SGCZ: variants seen among roughly 807,000 people sequenced by gnomAD.
SGCZ encodes the protein zeta-sarcoglycan.
A neutral mutation model predicts 41.3 loss-of-function variants in SGCZ; 40 were observed. The ratio of observed to expected loss-of-function variants is 0.97; its 90% CI spans 0.75 to 1.26. SGCZ has a LOEUF of 1.26. Among genes scored for constraint, SGCZ ranks in the 50% most tolerant of loss-of-function variants. SGCZ has a pLI of 0.00. For synonymous variants in SGCZ, 206 were observed against 137.5 expected, an observed-to-expected ratio of 1.50 and a Z score of -3.49; for missense variants, 552 against 369.8, an observed-to-expected ratio of 1.49 and a Z score of -4.04.
At chr8:14,283,399 G>A (rs1800516667) in intron 3 of SGCZ, among the ~76,000 whole-genome samples, 1 of 152,098 alleles carries the variant, frequency 6.6e-6, no homozygotes, top group Non-Finnish European at 1.5e-5. Context: ...CAAGAGATGA[G>A]AATATCTAAT....
intron 5 of SGCZ, among the ~76,000 whole-genome samples, chr8:14,142,548 A>G (rs1044574734): frequency 6.6e-6 from 1 of 151,900 alleles, no homozygotes; most frequent in Non-Finnish European, 1.5e-5. Context: ...GCTCAGTTTG[A>G]AGCAACTGGC....
chr8:14,474,109 T>C (rs1801291334), intron 2 of SGCZ, among the ~76,000 whole-genome samples: 1 of 152,148 alleles, frequency 6.6e-6, no homozygotes, highest in Non-Finnish European at 1.5e-5. Flanking sequence ...TTTCTATTGA[T>C]GAATGGCTGC....
intron 2 of SGCZ, among the ~76,000 whole-genome samples, chr8:14,414,109 AT>A (rs1799432117): frequency 6.6e-6 from 1 of 152,018 alleles, no homozygotes; most frequent in African/African-American, 2.4e-5. Flanking sequence ...TAGCTATATA[AT>A]GTGACTTGCA....
intron 5 of SGCZ, among the ~76,000 whole-genome samples, chr8:14,132,247 A>G (rs1261942614): frequency 3.3e-5 from 5 of 152,092 alleles, no homozygotes; most frequent in African/African-American, 9.7e-5. Flanking sequence ...CTTGGCTAGT[A>G]TATGTTCTAT....
chr8:15,078,728 T>C (rs1805636920), intron 1 of SGCZ, among the ~76,000 whole-genome samples: 1 of 151,908 alleles, frequency 6.6e-6, no homozygotes, highest in Non-Finnish European at 1.5e-5. Flanking sequence ...TATACACAAA[T>C]ATATATATAC....
intron 4 of SGCZ, among the ~76,000 whole-genome samples, chr8:14,190,381 G>GTA (rs1359351129): frequency 5.8e-4 from 87 of 149,100 alleles, no homozygotes; most frequent in African/African-American, 1.5e-3. Context: ...GTGTGTGTGT[G>GTA]TATATATATA....
intron 4 of SGCZ, among the ~76,000 whole-genome samples, chr8:14,227,834 A>C (rs1806424566): frequency 6.6e-6 from 1 of 152,052 alleles, no homozygotes; most frequent in African/African-American, 2.4e-5. Context: ...GAATTTTCCC[A>C]AAACTAAATA....
chr8:14,332,083 T>C (rs1362004574), intron 2 of SGCZ, among the ~76,000 whole-genome samples: 2 of 152,026 alleles, frequency 1.3e-5, no homozygotes, highest in Non-Finnish European at 2.9e-5. Flanking sequence ...CACATATCAC[T>C]AGCCTCAAAG....
chr8:14,335,616 G>A (rs76275570), intron 2 of SGCZ, among the ~76,000 whole-genome samples: 25,876 of 151,988 alleles, frequency 0.17, 2,245 homozygotes, highest in African/African-American at 0.2. Context: ...CCTGCCACAG[G>A]GGAATGGCAT....
intron 2 of SGCZ, among the ~76,000 whole-genome samples, chr8:14,395,797 G>A (rs939099713): frequency 2.6e-5 from 4 of 152,132 alleles, no homozygotes; most frequent in Non-Finnish European, 5.9e-5. Flanking sequence ...GATCTGCAGG[G>A]GCAACCCAAA....
intron 5 of SGCZ, among the ~76,000 whole-genome samples, chr8:14,110,550 T>C (rs1411804226): frequency 6.6e-6 from 1 of 152,122 alleles, no homozygotes; most frequent in Non-Finnish European, 1.5e-5. Context: ...TATGTAATCA[T>C]ACCACGTAAA....
chr8:15,057,245 T>C (rs1434655675), intron 1 of SGCZ, among the ~76,000 whole-genome samples: 1 of 152,166 alleles, frequency 6.6e-6, no homozygotes, highest in Non-Finnish European at 1.5e-5. Flanking sequence ...TACCCTATGT[T>C]GAGCAAGAAT....
chr8:14,223,159 G>A (rs1301612342), intron 4 of SGCZ, among the ~76,000 whole-genome samples: 3 of 152,022 alleles, frequency 2.0e-5, no homozygotes, highest in African/African-American at 7.2e-5. Flanking sequence ...AATTATCACA[G>A]ATATATGGTT....
chr8:14,111,766 A>G (rs1343465073), intron 5 of SGCZ, among the ~76,000 whole-genome samples: 2 of 152,194 alleles, frequency 1.3e-5, no homozygotes, highest in African/African-American at 4.8e-5. Flanking sequence ...TTCTGCAGGA[A>G]AGAATAAGGA....
chr8:14,953,036 G>C (rs944333983), intron 1 of SGCZ, among the ~76,000 whole-genome samples: 1 of 152,078 alleles, frequency 6.6e-6, no homozygotes, highest in Non-Finnish European at 1.5e-5. Context: ...AGGTGAATAA[G>C]CATAGGCATA....
chr8:15,032,204 A>G (rs1803699228), intron 1 of SGCZ, among the ~76,000 whole-genome samples: 1 of 152,174 alleles, frequency 6.6e-6, no homozygotes, highest in South Asian at 2.1e-4. Flanking sequence ...ACATCAACTT[A>G]TATAACTATC....
chr8:14,587,028 A>C, intron 1 of SGCZ, among the ~76,000 whole-genome samples: 1 of 93,446 alleles, frequency 1.1e-5, no homozygotes, highest in Non-Finnish European at 2.3e-5. Flanking sequence ...TTCTTACATT[A>C]AAAAAAAAAC....
chr8:14,371,807 T>C (rs1165137059), intron 2 of SGCZ, among the ~76,000 whole-genome samples: 1 of 152,138 alleles, frequency 6.6e-6, no homozygotes, highest in Non-Finnish European at 1.5e-5. Flanking sequence ...CTTTACATTA[T>C]TTGTTGTACA....
At chr8:15,139,566 T>C (rs920845946) in intron 1 of SGCZ, among the ~76,000 whole-genome samples, 2 of 152,172 alleles carry the variant, frequency 1.3e-5, no homozygotes, top group African/African-American at 4.8e-5. Flanking sequence ...GAGAGTAAAA[T>C]GGTTACCACA....
Sources: allele counts gnomAD v4.1 joint callset (sites outside exome capture counted in the v4.1 genomes callset), GRCh38; gene constraint gnomAD v4.1.1; transcripts MANE v1.5; gene names NCBI Gene and HGNC (gene_info 2026-07-23, HGNC 2026-07-21).